Variants in ZFHX3 observed in about 807,000 individuals in gnomAD.
ZFHX3 encodes the protein zinc finger homeobox 3, also known as zinc finger homeobox protein 3.
ZFHX3 carries 42 observed loss-of-function variants against 279.1 expected under a neutral mutation model. The ratio of observed to expected loss-of-function variants is 0.15; its 90% CI spans 0.12 to 0.19. The LOEUF is 0.19. Ranked by LOEUF, ZFHX3 falls within the 10% of genes least tolerant of loss-of-function variation. ZFHX3 has a pLI of 1.00. For synonymous variants in ZFHX3, 2,293 were observed against 1,957.8 expected, an observed-to-expected ratio of 1.17 and a Z score of -4.52; for missense variants, 4,981 against 4,754.0, an observed-to-expected ratio of 1.05 and a Z score of -1.40.
At chr16:73,214,559 T>C (rs371244592) in intron 5 of ZFHX3, among the ~76,000 whole-genome samples, 1 of 152,338 alleles carries the variant, frequency 6.6e-6, no homozygotes, top group East Asian at 1.9e-4. Context: ...TGCTTCGTTC[T>C]TCACTTGTCT....
intron 1 of ZFHX3, among the ~76,000 whole-genome samples, chr16:73,727,527 C>G (rs900070008): frequency 1.3e-5 from 2 of 152,150 alleles, no homozygotes; most frequent in African/African-American, 4.8e-5. Context: ...TTTGATTTTT[C>G]TTCTACCATT....
At chr16:73,400,349 G>A (rs994496607) in intron 3 of ZFHX3, 2 of 152,182 alleles carry the variant, frequency 1.3e-5, no homozygotes, top group Non-Finnish European at 2.9e-5. Context: ...GGTGTGACGG[G>A]AGTTTGCGGG....
At chr16:73,052,509 C>G (rs1054625263), upstream of ZFHX3, among the ~76,000 whole-genome samples, 1 of 151,902 alleles carries the variant, frequency 6.6e-6, no homozygotes, top group African/African-American at 2.4e-5. Flanking sequence ...CATTTGGGTT[C>G]AAAAATCTGT....
In ZFHX3 at chr16:72,960,225, A is replaced by G. The variant is rs555897057; in HGVS notation, c.-49-31T>C. ...GGGCAGAGGCAAGGGGGGAGGAGGG[A>G]GAGAGGGGAAAGAGAGAGAGAAAGG... On this transcript the variant is annotated intron_variant, in intron 1 of 9. Transcript: ENST00000268489. 227 of 1,462,972 alleles carry G rather than the reference A, an allele frequency of 1.6e-4. 1 individual carries two copies. The East Asian group carries it at 4.9e-3, about 32-fold the overall frequency. The allele number at this position is 1,462,972 out of a possible 1,614,324, so 90.6% of individuals were successfully genotyped here. A position where few individuals can be genotyped will look rare whatever the true frequency, so the allele number is the denominator to read the frequency against.
intron 1 of ZFHX3, among the ~76,000 whole-genome samples, chr16:73,862,873 G>C (rs1165672545): frequency 1.3e-5 from 2 of 152,112 alleles, no homozygotes; most frequent in African/African-American, 4.8e-5. Flanking sequence ...TTTAGAGTAA[G>C]TTATCTCCAG....
intron 5 of ZFHX3, among the ~76,000 whole-genome samples, chr16:73,210,397 GA>G (rs1469509807): frequency 6.6e-6 from 1 of 151,940 alleles, no homozygotes. Context: ...AAGACAGTTT[GA>G]AAAAATATAA....
At chr16:73,856,156 T>C (rs1010616478) in intron 1 of ZFHX3, among the ~76,000 whole-genome samples, 1 of 152,186 alleles carries the variant, frequency 6.6e-6, no homozygotes, top group Non-Finnish European at 1.5e-5. Context: ...AGCTTATATA[T>C]GCATGGGAAG....
intron 3 of ZFHX3, among the ~76,000 whole-genome samples, chr16:72,900,546 T>A (rs1257732345): frequency 6.6e-6 from 1 of 152,214 alleles, no homozygotes; most frequent in Non-Finnish European, 1.5e-5. Flanking sequence ...GAGACAGTGA[T>A]GGTCTTTCTA....
chr16:73,772,956 A>G (rs1290488115), intron 1 of ZFHX3, among the ~76,000 whole-genome samples: 2 of 152,210 alleles, frequency 1.3e-5, no homozygotes, highest in East Asian at 3.9e-4. Flanking sequence ...TAAACTCAGA[A>G]GCATTTGTTT....
chr16:73,364,398 T>A (rs2016492160), intron 3 of ZFHX3, among the ~76,000 whole-genome samples: 1 of 150,800 alleles, frequency 6.6e-6, no homozygotes, highest in Admixed American at 6.6e-5. Context: ...GTAATAATAG[T>A]TTCTAACAAA....
At position 73,085,776 on chromosome 16, in the gene ZFHX3, A is replaced by G. The variant is rs554671921; in HGVS notation, c.-533+7459T>C. Among the ~76,000 whole-genome samples, 6 of 152,294 alleles carry G rather than the reference A, an allele frequency of 3.9e-5. No homozygotes were observed. In the South Asian group the frequency reaches 1.0e-3, roughly 26 times the overall value. On this transcript the variant is annotated intron_variant, in intron 8 of 17. Coordinates refer to the ZFHX3 transcript ENST00000641206. The stretch of plus-strand genomic sequence containing the variant: ...CTTCAGGACATTGGTCTGGGCAAAA[A>G]TTTTGGGAATGAGACTTTAAAAGCA...
intron 4 of ZFHX3, among the ~76,000 whole-genome samples, chr16:72,857,977 G>C (rs1015612194): frequency 4.6e-5 from 7 of 152,240 alleles, no homozygotes; most frequent in African/African-American, 1.7e-4. Flanking sequence ...GCAAGGACCA[G>C]GGCCCGCTGC....
chr16:73,244,473 G>A (rs1216701826), intron 5 of ZFHX3, among the ~76,000 whole-genome samples: 7 of 152,186 alleles, frequency 4.6e-5, no homozygotes. Context: ...GGGCCAGAAG[G>A]GCTTTGGGAA....
Position 72,787,526 on chromosome 16 carries a change from C to T in ZFHX3, c.10750G>A (p.Ala3584Thr), listed in dbSNP as rs769841511. ...TGAGCGGCAGACTGCGAGGTAGATG[C>T]GGTGCTAGGATCGGGGAAGCAGGCA... The part of the protein sequence containing the change: ...HSACFPDPST[A>T]STSQSAAHSN... The change falls in exon 10 of 10, where the codon GCA becomes ACA. Residue 3584 changes from alanine to threonine, a missense_variant. Physicochemically the swap from Ala to Thr is moderately conservative, Grantham distance 58 (BLOSUM62 0). Coordinates refer to ENST00000268489, the MANE Select transcript of ZFHX3 (RefSeq NM_006885.4). 7 of 1,613,774 alleles carry T rather than the reference C, an allele frequency of 4.3e-6. No homozygotes were observed. The highest frequency in any genetic ancestry group is 5.1e-6 in the Non-Finnish European group (6 of 1,179,954).
intron 8 of ZFHX3, chr16:73,092,693 C>T (rs2082413019): frequency 3.2e-6 from 1 of 309,818 alleles, no homozygotes; most frequent in South Asian, 2.9e-5. Flanking sequence ...CTGGCTTACA[C>T]ATGCTCTTGC....
At chr16:73,435,546 G>A (rs924803928) in intron 3 of ZFHX3, among the ~76,000 whole-genome samples, 43 of 152,176 alleles carry the variant, frequency 2.8e-4, no homozygotes, top group Non-Finnish European at 5.7e-4. Flanking sequence ...TCTGTACTCC[G>A]TAGCAACTTG....
intron 5 of ZFHX3, among the ~76,000 whole-genome samples, chr16:73,195,269 G>T (rs1327875498): frequency 6.6e-6 from 1 of 151,914 alleles, no homozygotes; most frequent in Non-Finnish European, 1.5e-5. Flanking sequence ...TTCTATTAAG[G>T]GCTGATAACC....
chr16:72,799,769 T>G (rs1433176177), intron 8 of ZFHX3, among the ~76,000 whole-genome samples: 1 of 152,228 alleles, frequency 6.6e-6, no homozygotes, highest in Admixed American at 6.5e-5. Context: ...AATTGTATAG[T>G]TTAAGAAGAT....
chr16:72,958,985 G>A lies in ZFHX3; in HGVS notation c.1161C>T (p.Pro387=), dbSNP rs776196847. The A allele has an allele frequency of 5.2e-5, 83 of 1,606,024 alleles. No individual in the cohort carries two copies. Among genetic ancestry groups the A allele is most frequent in the South Asian group, 1.2e-4 (11 of 89,800 alleles). The part of the protein sequence containing the change: ...EALPAGSAAG[P]EQPQAGLLTP... Reference sequence around the variant, plus strand: ...TCAAGAGACCAGCCTGGGGCTGCTCGGGGCCAGCGGCGGAGCCCGCTGGGA... The same window carrying A: ...TCAAGAGACCAGCCTGGGGCTGCTCAGGGCCAGCGGCGGAGCCCGCTGGGA... The change falls in exon 2 of 10, where the codon CCC becomes CCT. Residue 387 remains proline, a synonymous_variant. Transcript: ENST00000268489.
Sources: gnomAD v4.1 joint callset for allele counts (sites outside exome capture counted in the v4.1 genomes callset) on GRCh38, gnomAD v4.1.1 for gene constraint, MANE v1.5 for transcripts, NCBI Gene and HGNC (gene_info 2026-07-23, HGNC 2026-07-21) for gene names.